The following MNT variants were observed in gnomAD, a reference collection of about 807,000 sequenced individuals.
MNT encodes MAX network transcriptional repressor.
Under a neutral mutation model 40.7 loss-of-function variants are expected in MNT, and 13 were observed. The ratio of observed to expected loss-of-function variants is 0.32; its 90% CI spans 0.21 to 0.51. The LOEUF is 0.51. Among genes scored for constraint, MNT ranks in the 20% least tolerant of loss-of-function variants. The pLI is 0.98. For missense variants in MNT, 757 were observed against 792.0 expected (o/e 0.96, Z 0.53); for synonymous variants, 426 against 354.8 (o/e 1.20, Z -2.26).
chr17:2,390,915 G>A (rs2066508076), intron 4 of MNT: 1 of 152,234 alleles, frequency 6.6e-6, no homozygotes, highest in Non-Finnish European at 1.5e-5. Flanking sequence ...CCCTCATTCT[G>A]GCTTTAACAG....
At chr17:2,394,410 C>T in intron 2 of MNT, 64 bp from the exon 3 acceptor site, 1 of 1,606,126 alleles carries the variant, frequency 6.2e-7, no homozygotes, top group Non-Finnish European at 8.5e-7. Flanking sequence ...TCCTGACCAG[C>T]GCCGCCACCC....
At chr17:2,389,350 A>T (rs1184509240) in intron 4 of MNT, 1 of 151,432 alleles carries the variant, frequency 6.6e-6, no homozygotes, top group Non-Finnish European at 1.5e-5. Flanking sequence ...ATCTTGGCTC[A>T]CTGCAATCTC....
chr17:2,387,701 G>T (rs748434182), intron 5 of MNT, 52 bp from the exon 6 acceptor site: 3 of 1,602,902 alleles, frequency 1.9e-6, no homozygotes, highest in South Asian at 2.2e-5. Flanking sequence ...GAAGCAAGTG[G>T]CTGGAGGCGT....
intron 4 of MNT, among the ~76,000 whole-genome samples, chr17:2,388,505 C>T (rs1004581992): frequency 1.8e-4 from 27 of 152,228 alleles, no homozygotes; most frequent in Admixed American, 8.5e-4. Flanking sequence ...GACACGCCCT[C>T]GCCCCATCTC....
In MNT at chr17:2,384,997, G is replaced by A. The variant is rs1224049287; in HGVS notation, c.*1904C>T. 5 of 152,286 alleles carry A rather than the reference G, an allele frequency of 3.3e-5. No homozygotes were observed. The highest frequency in any genetic ancestry group is 9.7e-5 in the African/African-American group (4 of 41,434). 9.4% of individuals were successfully genotyped at this position (152,286 alleles called of 1,614,324 possible). A position where few individuals can be genotyped will look rare whatever the true frequency, so the allele number is the denominator to read the frequency against. On this transcript the variant is annotated 3_prime_UTR_variant, in exon 6 of 6. Coordinates refer to ENST00000174618, the MANE Select transcript of MNT (RefSeq NM_020310.3). ...ACGAGGCTGCTCTAACTGCCCCGTG[G>A]GTCAGGCCTGCCATCGCTGTCACAA...
Position 2,384,198 on chromosome 17 carries a change from A to C in MNT, c.*2703T>G, listed in dbSNP as rs1567862025. 6.6e-6 allele frequency: 1 copy of C among 152,604 alleles called. No homozygotes were observed. Among genetic ancestry groups the C allele is most frequent in the Non-Finnish European group, 1.5e-5 (1 of 68,044 alleles). 9.5% of individuals were successfully genotyped at this position (152,604 alleles called of 1,614,324 possible). ...ATGAACAGCCACTAGAATACAGTTC[A>C]ATAGTAAAAATACAGTATGTACAAA... On this transcript the variant is annotated 3_prime_UTR_variant, in exon 6 of 6. Transcript: ENST00000174618.
chr17:2,393,632 A>G (rs2066544928), intron 4 of MNT: 1 of 152,730 alleles, frequency 6.5e-6, no homozygotes, highest in Non-Finnish European at 1.5e-5. Flanking sequence ...ATAGCTACAG[A>G]CATTCGGGCG....
chr17:2,400,504 CG>C lies in MNT; in HGVS notation c.73+135del, dbSNP rs1285430559. ...TCACCCCTCCCCAGGCGGCGGCTCT[CG>C]CGGGGAGCCGTGCGCTGCCAGGCTC... On this transcript the variant is annotated intron_variant, in intron 1 of 5. Transcript: ENST00000174618. 4 of 732,356 alleles carry C rather than the reference CG, an allele frequency of 5.5e-6. No individual in the cohort carries two copies. The African/African-American group carries it at 5.7e-5, about 10-fold the overall frequency. 45.4% of individuals were successfully genotyped at this position (732,356 alleles called of 1,614,324 possible).
chr17:2,397,295 G>A (rs781603181), intron 1 of MNT, among the ~76,000 whole-genome samples: 3 of 152,264 alleles, frequency 2.0e-5, no homozygotes, highest in Non-Finnish European at 2.9e-5. Context: ...GAGTTCCAGT[G>A]ACAGGGCCCT....
intron 1 of MNT, among the ~76,000 whole-genome samples, chr17:2,395,899 G>C (rs975213431): frequency 3.5e-5 from 4 of 113,438 alleles, no homozygotes; most frequent in Admixed American, 3.5e-4. Context: ...TCACACCAGA[G>C]GGGGGGGTGT....
In MNT at chr17:2,387,841, G is replaced by C; in HGVS notation, c.1000+16C>G. Reference sequence around the variant, plus strand: ...CATCTGAGGGCTGGGGGGCCAGCGTGGGGGCTGGGGCTCACCAGAGGCGGT... The same window carrying C: ...CATCTGAGGGCTGGGGGGCCAGCGTCGGGGCTGGGGCTCACCAGAGGCGGT... On this transcript the variant is annotated intron_variant, in intron 5 of 5. Transcript: ENST00000174618. 1 of 1,584,058 alleles carries C rather than the reference G, an allele frequency of 6.3e-7. No individual in the cohort carries two copies. Among genetic ancestry groups the C allele is most frequent in the Non-Finnish European group, 8.5e-7 (1 of 1,169,680 alleles).
At chr17:2,398,503 G>T (rs2066592175) in intron 1 of MNT, among the ~76,000 whole-genome samples, 1 of 152,210 alleles carries the variant, frequency 6.6e-6, no homozygotes, top group Non-Finnish European at 1.5e-5. Context: ...CCCCAGCTCA[G>T]AGGACAGAAC....
At chr17:2,394,807 G>T (rs2066561221) in intron 2 of MNT, 68 bp downstream of exon 2, 2 of 1,205,062 alleles carry the variant, frequency 1.7e-6, no homozygotes, top group Non-Finnish European at 2.4e-6. Flanking sequence ...ACCTTGTCTT[G>T]CACACAGCCC....
rs2066484619 is a variant in MNT, at chr17:2,388,260, G to C, written c.808-211C>G. On this transcript the variant is annotated intron_variant, in intron 4 of 5. Transcript: ENST00000174618. ...GCGTCCCAAGGAGTGTGGGCTCTTG[G>C]GACAGGCACCACTGAAGCAAGCTCA... 4 of 538,812 alleles carry C rather than the reference G, an allele frequency of 7.4e-6. No individual in the cohort carries two copies. The South Asian group carries it at 1.0e-4, about 13-fold the overall frequency. 33.4% of individuals were successfully genotyped at this position (538,812 alleles called of 1,614,324 possible).
At chr17:2,394,230 T>TGGGGCCGAGGGCCGCC in intron 3 of MNT, 75 bp downstream of exon 3, 2 of 1,568,048 alleles carry the variant, frequency 1.3e-6, no homozygotes, top group Non-Finnish European at 1.7e-6. Flanking sequence ...CCGGGGAAGC[T>TGGGGCCGAGGGCCGCC]GGGGCCGAGG....
Position 2,395,088 on chromosome 17 carries a change from G to C in MNT, c.440C>G (p.Ala147Gly), listed in dbSNP as rs1182835833. 6.6e-7 allele frequency: 1 copy of C among 1,516,130 alleles called. No individual in the cohort carries two copies. Among genetic ancestry groups the C allele is most frequent in the Middle Eastern group, 1.8e-4 (1 of 5,674 alleles). 93.9% of individuals were successfully genotyped at this position (1,516,130 alleles called of 1,614,324 possible). The change falls in exon 2 of 6, where the codon GCT becomes GGT. Residue 147 changes from alanine (A) to glycine (G), a missense_variant. Physicochemically the swap from Ala to Gly is moderately conservative, Grantham distance 60. Coordinates refer to ENST00000174618, the MANE Select transcript of MNT (RefSeq NM_020310.3). The part of the protein sequence containing the change: ...LPSRPQVPTP[A>G]PLLPDSKATI... ...GGCCTTCGAGTCCGGCAGTAGGGGA[G>C]CAGGGGTGGGCACCTGCGGCCTGCT...
Position 2,400,681 on chromosome 17 carries a change from C to T in MNT, c.32G>A (p.Arg11His). Residue 11 changes from arginine to histidine, a missense_variant, in exon 1 of 6, where the codon CGC becomes CAC. By Grantham distance (29) the Arg-to-His change is conservative. This residue lies in a region of MNT where 335 missense variants were observed against 291.4 expected (regional missense o/e 1.15). Transcript: ENST00000174618. MSIETLLEAARFLEWQAQQQQ... is the reference protein window; with the variant it reads MSIETLLEAAHFLEWQAQQQQ... Reference sequence around the variant, plus strand: ...TTGCTGCGCTTGCCATTCCAGGAAGCGGGCCGCCTCCAGTAGCGTCTCTAT... The same window carrying T: ...TTGCTGCGCTTGCCATTCCAGGAAGTGGGCCGCCTCCAGTAGCGTCTCTAT... 1.3e-6 allele frequency: 2 copies of T among 1,585,142 alleles called. No homozygotes were observed. The highest frequency in any genetic ancestry group is 1.8e-5 in the Admixed American group (1 of 57,080).
chr17:2,392,614 C>T (rs1352617096), intron 4 of MNT: 1 of 152,272 alleles, frequency 6.6e-6, no homozygotes, highest in Admixed American at 6.5e-5. Context: ...CAAAACGATT[C>T]CAGAAATAAG....
intron 4 of MNT, among the ~76,000 whole-genome samples, chr17:2,392,483 C>T (rs2066526170): frequency 6.6e-6 from 1 of 152,244 alleles, no homozygotes; most frequent in South Asian, 2.1e-4. Context: ...AGGAACTCGC[C>T]ATGCCGTCCT....
Sources: gnomAD v4.1 joint callset for allele counts (sites outside exome capture counted in the v4.1 genomes callset) on GRCh38, gnomAD v4.1.1 for gene constraint, gnomAD v4.1.1 regional missense constraint, MANE v1.5 for transcripts, NCBI Gene and HGNC (gene_info 2026-07-23, HGNC 2026-07-21) for gene names.